TRAPPC9: variants seen among roughly 807,000 people sequenced by gnomAD.
TRAPPC9 encodes trafficking protein particle complex subunit 9, also known as IKK2 binding protein.
In TRAPPC9, 83 loss-of-function variants were observed where a neutral mutation model predicts 124.0. That is an observed-to-expected ratio of 0.67 (90% confidence interval 0.56 to 0.80). The LOEUF is 0.80. TRAPPC9 is among the 30% of genes least tolerant of loss of function. The probability of loss-of-function intolerance (pLI) is 0.00; values close to 1 mark genes in which losing one functional copy is unlikely to be tolerated. For synonymous variants in TRAPPC9, 638 were observed against 617.5 expected, an observed-to-expected ratio of 1.03 and a Z score of -0.49; for missense variants, 1,302 against 1,508.3, an observed-to-expected ratio of 0.86 and a Z score of 2.27.
intron 5 of TRAPPC9, among the ~76,000 whole-genome samples, chr8:140,408,378 T>G (rs1188437853): frequency 6.6e-6 from 1 of 152,146 alleles, no homozygotes; most frequent in East Asian, 1.9e-4. Context: ...GGTACTGAGC[T>G]GCTACCACAC....
At chr8:139,964,249 G>A (rs1835549651) in intron 19 of TRAPPC9, among the ~76,000 whole-genome samples, 1 of 143,760 alleles carries the variant, frequency 7.0e-6, no homozygotes, top group Non-Finnish European at 1.5e-5. Flanking sequence ...AAAAAAAGCG[G>A]GGGAGCACCT....
At chr8:139,948,490 T>C (rs984804434) in intron 19 of TRAPPC9, among the ~76,000 whole-genome samples, 1 of 152,200 alleles carries the variant, frequency 6.6e-6, no homozygotes, top group Non-Finnish European at 1.5e-5. Context: ...GAAGCCAATG[T>C]GGCTAAGACA....
chr8:139,940,023 T>TG (rs1225765246), intron 19 of TRAPPC9, among the ~76,000 whole-genome samples: 1 of 152,242 alleles, frequency 6.6e-6, no homozygotes, highest in African/African-American at 2.4e-5. Flanking sequence ...AATTTGTTGT[T>TG]TCTTTTTTCA....
chr8:140,386,547 G>A (rs1225333835), intron 7 of TRAPPC9, among the ~76,000 whole-genome samples: 3 of 152,228 alleles, frequency 2.0e-5, no homozygotes, highest in African/African-American at 7.2e-5. Flanking sequence ...GCCAAATCAT[G>A]AGTGAACTCC....
chr8:140,306,492 CA>C (rs11447991), intron 10 of TRAPPC9, among the ~76,000 whole-genome samples: 2,528 of 115,422 alleles, frequency 0.022, 33 homozygotes, highest in Non-Finnish European at 0.034. Flanking sequence ...GACTCTGTCT[CA>C]AAAAAAAAAA....
intron 2 of TRAPPC9, among the ~76,000 whole-genome samples, chr8:140,440,266 G>A (rs1244187496): frequency 1.3e-5 from 2 of 152,148 alleles, no homozygotes; most frequent in East Asian, 3.8e-4. Context: ...CCAGCACTTT[G>A]GGAGACCGAG....
chr8:139,799,740 C>T (rs150516236), intron 21 of TRAPPC9, among the ~76,000 whole-genome samples: 9 of 152,340 alleles, frequency 5.9e-5, no homozygotes, highest in Non-Finnish European at 1.2e-4. Context: ...TGTCCTACCC[C>T]GGCCTGGCAG....
chr8:140,229,355 C>T (rs1158945718), intron 16 of TRAPPC9, among the ~76,000 whole-genome samples: 1 of 143,832 alleles, frequency 7.0e-6, no homozygotes, highest in Non-Finnish European at 1.5e-5. Context: ...CTCCACCTCC[C>T]GGGTTCAAGC....
At chr8:139,858,263 T>G (rs1401995337) in intron 21 of TRAPPC9, among the ~76,000 whole-genome samples, 5 of 152,248 alleles carry the variant, frequency 3.3e-5, no homozygotes, top group Admixed American at 6.5e-5. Flanking sequence ...TGTACTTTTC[T>G]GACAAACGTG....
intron 19 of TRAPPC9, among the ~76,000 whole-genome samples, chr8:139,951,039 G>A (rs954775994): frequency 3.3e-5 from 5 of 152,090 alleles, no homozygotes; most frequent in Admixed American, 6.5e-5. Flanking sequence ...AGACCCAGGC[G>A]CGCACATCCC....
chr8:140,148,937 T>C (rs999449854), intron 17 of TRAPPC9, among the ~76,000 whole-genome samples: 12 of 152,232 alleles, frequency 7.9e-5, no homozygotes, highest in African/African-American at 2.9e-4. Context: ...CCATTATTTA[T>C]AGCCATGTTC....
intron 17 of TRAPPC9, among the ~76,000 whole-genome samples, chr8:140,103,371 G>T (rs1368955552): frequency 6.6e-6 from 1 of 152,172 alleles, no homozygotes; most frequent in Non-Finnish European, 1.5e-5. Flanking sequence ...CAGAGCTCAC[G>T]TGAGGCAGCG....
At chr8:139,900,390 C>G (rs551616728) in intron 20 of TRAPPC9, among the ~76,000 whole-genome samples, 1 of 152,332 alleles carries the variant, frequency 6.6e-6, no homozygotes, top group African/African-American at 2.4e-5. Flanking sequence ...CTGGCTGCCA[C>G]CACTGCACCC....
At chr8:140,197,087 C>T (rs2062688791) in intron 17 of TRAPPC9, among the ~76,000 whole-genome samples, 1 of 152,200 alleles carries the variant, frequency 6.6e-6, no homozygotes, top group Non-Finnish European at 1.5e-5. Flanking sequence ...TGCTTCATCA[C>T]TTCTCCACAG....
intron 17 of TRAPPC9, among the ~76,000 whole-genome samples, chr8:140,093,663 G>A (rs946059567): frequency 5.2e-5 from 5 of 95,488 alleles, no homozygotes; most frequent in Admixed American, 2.0e-4. Flanking sequence ...GCACGACTTC[G>A]TCTTAAAAAA....
At chr8:140,148,074 G>A (rs994448096) in intron 17 of TRAPPC9, among the ~76,000 whole-genome samples, 4 of 152,224 alleles carry the variant, frequency 2.6e-5, no homozygotes, top group South Asian at 2.1e-4. Flanking sequence ...TAGCCTCCTG[G>A]AGCCTGTGCT....
intron 19 of TRAPPC9, among the ~76,000 whole-genome samples, chr8:139,978,800 T>C (rs2665953): frequency 0.76 from 114,958 of 152,156 alleles, 44,119 homozygotes; most frequent in East Asian, 0.97. Context: ...GCTGGGATTC[T>C]CACTCCCCGC....
At chr8:140,343,240 T>C (rs1360021330) in intron 9 of TRAPPC9, among the ~76,000 whole-genome samples, 2 of 152,240 alleles carry the variant, frequency 1.3e-5, no homozygotes, top group Admixed American at 6.5e-5. Flanking sequence ...TGTGTGGTCC[T>C]GAGCCCAGCA....
At chr8:139,883,777 C>T (rs1383031025) in intron 21 of TRAPPC9, among the ~76,000 whole-genome samples, 1 of 152,242 alleles carries the variant, frequency 6.6e-6, no homozygotes, top group African/African-American at 2.4e-5. Context: ...GAGGTTCATC[C>T]CTGGCTGGTA....
Sources: allele counts gnomAD v4.1 joint callset (sites outside exome capture counted in the v4.1 genomes callset), GRCh38; gene constraint gnomAD v4.1.1; transcripts MANE v1.5; gene names NCBI Gene and HGNC (gene_info 2026-07-23, HGNC 2026-07-21).